The following RFX3 variants were observed in gnomAD, a reference collection of about 807,000 sequenced individuals.
RFX3 encodes transcription factor RFX3.
RFX3 carries 14 observed loss-of-function variants against 98.6 expected under a neutral mutation model. That is an observed-to-expected ratio of 0.14 (90% confidence interval 0.09 to 0.22). The LOEUF (loss-of-function observed/expected upper bound fraction) is 0.22, where lower values mean the gene tolerates loss of function less well. Among genes scored for constraint, RFX3 ranks in the 10% least tolerant of loss-of-function variants. The pLI is 1.00. For synonymous variants in RFX3, 383 were observed against 328.4 expected, an observed-to-expected ratio of 1.17 and a Z score of -1.80; for missense variants, 639 against 926.9, an observed-to-expected ratio of 0.69 and a Z score of 4.03.
intron 2 of RFX3, among the ~76,000 whole-genome samples, chr9:3,383,040 A>C (rs1455236662): frequency 2.0e-5 from 3 of 152,136 alleles, no homozygotes; most frequent in African/African-American, 7.2e-5. Flanking sequence ...TTTATTTTAA[A>C]ATGTTCTTCT....
chr9:3,228,960 G>A (rs1415736562), intron 15 of RFX3, 71 bp from the exon 16 acceptor site: 1 of 1,354,656 alleles, frequency 7.4e-7, no homozygotes. Context: ...TCAGTCTGTA[G>A]TAAAAATGCC....
At chr9:3,229,834 T>C (rs1044571768) in intron 15 of RFX3, among the ~76,000 whole-genome samples, 2 of 152,242 alleles carry the variant, frequency 1.3e-5, no homozygotes, top group Admixed American at 6.5e-5. Flanking sequence ...ATGATAGGAG[T>C]ATTTTTTTCA....
At position 3,221,234 on chromosome 9, in the gene RFX3, A is replaced by G. The variant is rs896715038; in HGVS notation, c.*3808T>C. 2.0e-5 allele frequency: 3 copies of G among 152,098 alleles called. No individual in the cohort carries two copies. The highest frequency in any genetic ancestry group is 2.0e-4 in the Admixed American group (3 of 15,262). The allele number at this position is 152,098 out of a possible 1,614,324, so 9.4% of individuals were successfully genotyped here. On this transcript the variant is annotated 3_prime_UTR_variant, in exon 17 of 17. Coordinates refer to ENST00000617270, the MANE Select transcript of RFX3 (RefSeq NM_001282116.2). Reference sequence around the variant, plus strand: ...TGTTTCAAGCACAGCATTATTTTAGACATTTCAAATATATCATCTGAGGAA... The same window carrying G: ...TGTTTCAAGCACAGCATTATTTTAGGCATTTCAAATATATCATCTGAGGAA...
At chr9:3,255,150 T>A (rs559598703) in intron 14 of RFX3, among the ~76,000 whole-genome samples, 1 of 152,208 alleles carries the variant, frequency 6.6e-6, no homozygotes, top group African/African-American at 2.4e-5. Flanking sequence ...TACGTCTACT[T>A]CAGTTTAAGA....
chr9:3,338,905 T>G (rs547942504), intron 3 of RFX3, among the ~76,000 whole-genome samples: 1 of 152,016 alleles, frequency 6.6e-6, no homozygotes, highest in Non-Finnish European at 1.5e-5. Flanking sequence ...GTGGCCAATA[T>G]GAAGAAACCC....
intron 15 of RFX3, among the ~76,000 whole-genome samples, chr9:3,234,469 T>A (rs1385455854): frequency 6.6e-6 from 1 of 152,094 alleles, no homozygotes; most frequent in Non-Finnish European, 1.5e-5. Context: ...CAAAACCCCA[T>A]CTCTACAAAA....
intron 7 of RFX3, among the ~76,000 whole-genome samples, chr9:3,286,118 T>A (rs1298090473): frequency 6.6e-6 from 1 of 151,846 alleles, no homozygotes; most frequent in Non-Finnish European, 1.5e-5. Context: ...GTATATGTTA[T>A]TTCTGAAGCA....
chr9:3,474,682 C>T (rs79856037), intron 1 of RFX3, among the ~76,000 whole-genome samples: 5,170 of 152,282 alleles, frequency 0.034, 282 homozygotes, highest in African/African-American at 0.12. Context: ...TCTCCAGAAA[C>T]AGTGCTTATT....
chr9:3,239,597 G>C (rs1200181247), intron 15 of RFX3, among the ~76,000 whole-genome samples: 1 of 152,240 alleles, frequency 6.6e-6, no homozygotes, highest in Non-Finnish European at 1.5e-5. Context: ...TTACAAGTGA[G>C]TGTGCAGGCG....
intron 7 of RFX3, among the ~76,000 whole-genome samples, chr9:3,285,503 G>C (rs1586880436): frequency 6.6e-6 from 1 of 151,566 alleles, no homozygotes; most frequent in African/African-American, 2.4e-5. Flanking sequence ...CTGCACAACA[G>C]GGTAACTGGT....
At chr9:3,340,051 A>G (rs1833686695) in intron 3 of RFX3, among the ~76,000 whole-genome samples, 1 of 152,198 alleles carries the variant, frequency 6.6e-6, no homozygotes, top group African/African-American at 2.4e-5. Flanking sequence ...GCACCAAAAC[A>G]AAGATATAGA....
At chr9:3,311,018 CTAGA>C (rs1236774059) in intron 4 of RFX3, among the ~76,000 whole-genome samples, 2 of 152,170 alleles carry the variant, frequency 1.3e-5, no homozygotes, top group Non-Finnish European at 1.5e-5. Context: ...AAAGTTTTAA[CTAGA>C]TAGTTAAATT....
At chr9:3,424,525 A>G (rs796530227) in intron 1 of RFX3, among the ~76,000 whole-genome samples, 22 of 146,476 alleles carry the variant, frequency 1.5e-4, no homozygotes, top group African/African-American at 5.0e-4. Context: ...CCGCGCCCGG[A>G]TAATTTTTGT....
intron 2 of RFX3, among the ~76,000 whole-genome samples, chr9:3,377,666 T>G (rs1838701471): frequency 6.6e-6 from 1 of 152,154 alleles, no homozygotes; most frequent in African/African-American, 2.4e-5. Context: ...TAAAGCGATC[T>G]AAATAACAGA....
At chr9:3,258,203 C>T (rs1382851185) in intron 13 of RFX3, among the ~76,000 whole-genome samples, 1 of 152,058 alleles carries the variant, frequency 6.6e-6, no homozygotes, top group Non-Finnish European at 1.5e-5. Context: ...AAATTTTAAG[C>T]TGGGTTCATT....
intron 14 of RFX3, among the ~76,000 whole-genome samples, chr9:3,249,811 A>T (rs1009855891): frequency 6.6e-6 from 1 of 152,082 alleles, no homozygotes; most frequent in African/African-American, 2.4e-5. Context: ...AATCTTAAGA[A>T]AACTGCCAAT....
intron 1 of RFX3, among the ~76,000 whole-genome samples, chr9:3,496,881 G>C (rs190866196): frequency 1.3e-5 from 2 of 151,976 alleles, no homozygotes; most frequent in African/African-American, 4.8e-5. Flanking sequence ...TGTGTATGTG[G>C]AACTGGCATA....
rs140049194 is a variant in RFX3 at position 3,429,908 on chromosome 9, T to C, written c.-8-34312A>G. Among the ~76,000 whole-genome samples, 31 of 152,306 alleles carry C rather than the reference T, an allele frequency of 2.0e-4. 2 individuals are homozygous for C. The highest frequency in any genetic ancestry group is 6.8e-3 in the Middle Eastern group (2 of 294). On this transcript the variant is annotated intron_variant, in intron 1 of 16. Transcript: ENST00000617270. ...AACAGGTTTCTGTCTAAGCAGTGGC[T>C]TCCAACCCACGGCCCACTTGCAGAG...
chr9:3,247,393 AT>A (rs1257630672), intron 15 of RFX3: 2 of 919,008 alleles, frequency 2.2e-6, no homozygotes, highest in Non-Finnish European at 2.6e-6. Context: ...TGAAAAAAAA[AT>A]CTCTACCATT....
Sources: allele counts gnomAD v4.1 joint callset (sites outside exome capture counted in the v4.1 genomes callset), GRCh38; gene constraint gnomAD v4.1.1; transcripts MANE v1.5; gene names NCBI Gene and HGNC (gene_info 2026-07-23, HGNC 2026-07-21).